Variants in KCNAB1 observed in about 807,000 individuals in gnomAD.
KCNAB1 encodes the protein voltage-gated potassium channel subunit beta-1.
KCNAB1 carries 35 observed loss-of-function variants against 64.6 expected under a neutral mutation model. The ratio of observed to expected loss-of-function variants is 0.54; its 90% confidence interval spans 0.41 to 0.72. The LOEUF is 0.72. Among genes scored for constraint, KCNAB1 ranks in the 30% least tolerant of loss-of-function variants. The probability of loss-of-function intolerance (pLI) is 0.00; values close to 1 mark genes in which losing one functional copy is unlikely to be tolerated. For synonymous variants in KCNAB1, 177 were observed against 183.8 expected (o/e 0.96, Z 0.30); for missense variants, 401 against 512.9 (o/e 0.78, Z 2.11).
intron 1 of KCNAB1, among the ~76,000 whole-genome samples, chr3:156,280,125 A>G: frequency 6.7e-6 from 1 of 148,206 alleles, no homozygotes; most frequent in Non-Finnish European, 1.5e-5. Flanking sequence ...TCTTTAATCC[A>G]TCTTGAATTG....
intron 1 of KCNAB1, among the ~76,000 whole-genome samples, chr3:156,212,599 C>T (rs1715079406): frequency 6.6e-6 from 1 of 152,104 alleles, no homozygotes; most frequent in South Asian, 2.1e-4. Flanking sequence ...ACACCCACTA[C>T]CAGGTGGCAA....
At chr3:156,531,549 G>GCTA in intron 13 of KCNAB1, 52 bp downstream of exon 13, 2 of 1,310,340 alleles carry the variant, frequency 1.5e-6, no homozygotes, top group Non-Finnish European at 1.1e-6. Context: ...TGCCTTTGAG[G>GCTA]CTATCTCCAG....
chr3:156,242,215 ATTTTG>A (rs1398303451), intron 1 of KCNAB1, among the ~76,000 whole-genome samples: 3 of 151,892 alleles, frequency 2.0e-5, no homozygotes, highest in African/African-American at 7.3e-5. Context: ...TTCCTAAATT[ATTTTG>A]TTTTATTATT....
At chr3:156,220,620 T>C (rs1715658354) in intron 1 of KCNAB1, among the ~76,000 whole-genome samples, 1 of 152,188 alleles carries the variant, frequency 6.6e-6, no homozygotes, top group African/African-American at 2.4e-5. Context: ...ATATTAGCTC[T>C]TTGTCAGATG....
chr3:156,181,632 C>A (rs889328856), intron 1 of KCNAB1, among the ~76,000 whole-genome samples: 1 of 152,290 alleles, frequency 6.6e-6, no homozygotes, highest in African/African-American at 2.4e-5. Flanking sequence ...GTGGTAGGTA[C>A]ATGAACACAG....
intron 1 of KCNAB1, among the ~76,000 whole-genome samples, chr3:156,133,886 T>C (rs1714141072): frequency 6.6e-6 from 1 of 151,576 alleles, no homozygotes; most frequent in Non-Finnish European, 1.5e-5. Context: ...AATCGGCAGC[T>C]TCAGAACAAA....
intron 1 of KCNAB1, among the ~76,000 whole-genome samples, chr3:156,338,293 G>T (rs1723856444): frequency 2.0e-5 from 1 of 50,226 alleles, no homozygotes; most frequent in African/African-American, 5.2e-5. Context: ...TACTTTCTTT[G>T]GCATTTGCAC....
chr3:156,165,880 T>C (rs1711535461), intron 1 of KCNAB1, among the ~76,000 whole-genome samples: 1 of 152,242 alleles, frequency 6.6e-6, no homozygotes, highest in Non-Finnish European at 1.5e-5. Context: ...ACTTGTTTAC[T>C]GTGTTCTCAC....
At chr3:156,298,747 T>C (rs1198264573) in intron 1 of KCNAB1, among the ~76,000 whole-genome samples, 2 of 152,214 alleles carry the variant, frequency 1.3e-5, no homozygotes, top group African/African-American at 2.4e-5. Flanking sequence ...GTAGCATCAA[T>C]TCATACTTTT....
At chr3:156,216,820 T>A (rs1715353025) in intron 1 of KCNAB1, 1 of 152,204 alleles carries the variant, frequency 6.6e-6, no homozygotes, top group Non-Finnish European at 1.5e-5. Flanking sequence ...TTGCTGCCAG[T>A]TGCCCAGCAT....
At chr3:156,372,359 C>A (rs1560222884) in intron 1 of KCNAB1, among the ~76,000 whole-genome samples, 1 of 152,204 alleles carries the variant, frequency 6.6e-6, no homozygotes, top group Admixed American at 6.5e-5. Flanking sequence ...TAATATTATT[C>A]ACCTCATAGG....
chr3:156,176,013 G>A, intron 1 of KCNAB1: 2 of 843,428 alleles, frequency 2.4e-6, no homozygotes, highest in Non-Finnish European at 2.1e-6. Context: ...TGTCGGCTGT[G>A]CCAGGTGCTA....
intron 1 of KCNAB1, among the ~76,000 whole-genome samples, chr3:156,350,979 T>A (rs1179772784): frequency 2.0e-5 from 3 of 152,194 alleles, no homozygotes; most frequent in Non-Finnish European, 4.4e-5. Flanking sequence ...TCCTGTGAGA[T>A]TTGCACAGTT....
chr3:156,136,977 A>G (rs756960381), intron 1 of KCNAB1, among the ~76,000 whole-genome samples: 6 of 152,224 alleles, frequency 3.9e-5, no homozygotes, highest in Non-Finnish European at 8.8e-5. Context: ...ATGCCAAGGT[A>G]GAGATCTATA....
chr3:156,520,559 T>G (rs938971023), intron 11 of KCNAB1, among the ~76,000 whole-genome samples: 2 of 152,054 alleles, frequency 1.3e-5, no homozygotes, highest in African/African-American at 4.8e-5. Flanking sequence ...GCCTGAGCAA[T>G]ACAATGAGAC....
chr3:156,261,376 A>T (rs1205390156), intron 1 of KCNAB1, among the ~76,000 whole-genome samples: 1 of 151,982 alleles, frequency 6.6e-6, no homozygotes, highest in Non-Finnish European at 1.5e-5. Flanking sequence ...TTAACTCTTA[A>T]CTTTAGGTCT....
chr3:156,502,460 T>A (rs942465647), intron 8 of KCNAB1, among the ~76,000 whole-genome samples: 1 of 150,550 alleles, frequency 6.6e-6, no homozygotes, highest in African/African-American at 2.4e-5. Flanking sequence ...ATTCAATAAA[T>A]GGACATGGAA....
At position 156,201,003 on chromosome 3, in the gene KCNAB1, T is replaced by C. The variant is rs568019353; in HGVS notation, c.275+80117T>C. ...GGTGGTCTGAGGCTTGCAAAAACCA[T>C]GGGAGAAGCATAGTATCTGGGCCAG... On this transcript the variant is annotated intron_variant, in intron 1 of 13. Transcript: ENST00000490337. 3.3e-5 allele frequency among the ~76,000 whole-genome samples: 5 copies of C among 152,256 alleles called. No homozygotes were observed. The East Asian group carries it at 5.8e-4, about 18-fold the overall frequency.
intron 1 of KCNAB1, among the ~76,000 whole-genome samples, chr3:156,124,372 A>G (rs529339407): frequency 2.8e-4 from 42 of 151,954 alleles, no homozygotes; most frequent in African/African-American, 9.9e-4. Context: ...GGGTGCCATT[A>G]CGCCCAGCTA....
Sources: gnomAD v4.1 joint callset for allele counts (sites outside exome capture counted in the v4.1 genomes callset) on GRCh38, gnomAD v4.1.1 for gene constraint, MANE v1.5 for transcripts, NCBI Gene and HGNC (gene_info 2026-07-23, HGNC 2026-07-21) for gene names.